Variants in POGLUT2 observed in about 807,000 individuals in gnomAD.
The protein encoded by POGLUT2 is protein O-glucosyltransferase 2.
POGLUT2 carries 47 observed loss-of-function variants against 57.6 expected under a neutral mutation model. The observed-to-expected ratio is 0.82, with a 90% confidence interval of 0.65 to 1.04. The LOEUF is 1.04. POGLUT2 is among the 50% of genes least tolerant of loss of function. The pLI, the probability that POGLUT2 is intolerant of heterozygous loss-of-function variation, is 0.00. For missense variants in POGLUT2, 565 were observed against 614.8 expected (o/e 0.92, Z 0.86); for synonymous variants, 200 against 218.8 (o/e 0.91, Z 0.76).
At chr13:102,797,586 A>AATAATAATAATAAT (rs556962242) in intron 1 of POGLUT2, among the ~76,000 whole-genome samples, 22 of 151,960 alleles carry the variant, frequency 1.4e-4, no homozygotes, top group African/African-American at 3.9e-4. Context: ...ATAATAATAA[A>AATAATAATAATAAT]AAACAAATAG....
In POGLUT2 at chr13:102,791,385, G is replaced by A; in HGVS notation, c.718C>T (p.Pro240Ser). The change falls in exon 5 of 10, where the codon CCT becomes TCT. Residue 240 changes from proline to serine, a missense_variant. Coordinates refer to ENST00000376004, the MANE Select transcript of POGLUT2 (RefSeq NM_024089.3). The part of the protein sequence containing the change: ...VELFVNLGDW[P>S]LEKKKSNSNI... The stretch of plus-strand genomic sequence containing the variant: ...GAATTGGATTTCTTTTTTTCCAAAG[G>A]CCAGTCTCCCAAATTAACAAAGAGC... The A allele has an allele frequency of 1.2e-6, 2 of 1,608,746 alleles. No homozygotes were observed. The highest frequency in any genetic ancestry group is 1.7e-6 in the Non-Finnish European group (2 of 1,178,780).
intron 1 of POGLUT2, among the ~76,000 whole-genome samples, chr13:102,797,273 A>G (rs1878441571): frequency 6.6e-6 from 1 of 152,250 alleles, no homozygotes; most frequent in South Asian, 2.1e-4. Flanking sequence ...ATTAATCTAT[A>G]TAAGCACAGA....
At chr13:102,790,085 T>C (rs1029432652) in intron 6 of POGLUT2, among the ~76,000 whole-genome samples, 1 of 152,238 alleles carries the variant, frequency 6.6e-6, no homozygotes, top group Admixed American at 6.5e-5. Flanking sequence ...GGTTGGCTAG[T>C]ATCCTTTCAC....
chr13:102,791,470 C>A, intron 4 of POGLUT2, 40 bp from the exon 5 acceptor site: 1 of 1,520,672 alleles, frequency 6.6e-7, no homozygotes, highest in Non-Finnish European at 8.9e-7. Context: ...ACATTTCCTG[C>A]ATTGGATAAT....
intron 9 of POGLUT2, 35 bp downstream of exon 9, chr13:102,786,197 A>T (rs1877932597): frequency 1.5e-6 from 2 of 1,369,648 alleles, no homozygotes; most frequent in South Asian, 2.4e-5. Flanking sequence ...GTTAGTTTTT[A>T]CTCTGACACC....
chr13:102,798,125 G>A (rs986411730), intron 1 of POGLUT2, among the ~76,000 whole-genome samples: 3 of 152,076 alleles, frequency 2.0e-5, no homozygotes, highest in Admixed American at 1.3e-4. Context: ...ATTGAGGGCC[G>A]CACCAGAGAA....
At chr13:102,791,910 G>A in intron 4 of POGLUT2, 1 of 963,466 alleles carries the variant, frequency 1.0e-6, no homozygotes, top group South Asian at 1.4e-5. Flanking sequence ...ATGTAAAGAG[G>A]ATATGTTTTA....
chr13:102,785,850 T>C (rs968865013), intron 9 of POGLUT2, among the ~76,000 whole-genome samples: 3 of 152,240 alleles, frequency 2.0e-5, no homozygotes, highest in African/African-American at 7.2e-5. Context: ...TGGTTACATA[T>C]TTTTCCTTCT....
intron 1 of POGLUT2, among the ~76,000 whole-genome samples, chr13:102,797,923 A>C (rs1444864321): frequency 6.6e-6 from 1 of 152,250 alleles, no homozygotes; most frequent in Non-Finnish European, 1.5e-5. Flanking sequence ...TCATTTCAGA[A>C]GTATAGGAAT....
At chr13:102,796,699 AATATAT>A (rs869271164) in intron 2 of POGLUT2, 99 bp downstream of exon 2, 2,000 of 150,726 alleles carry the variant, frequency 0.013, 34 homozygotes, top group Middle Eastern at 0.023. Flanking sequence ...AAAAAAAAAA[AATATAT>A]ATATATATAT....
At position 102,796,301 on chromosome 13, in the gene POGLUT2, A is replaced by AT. The variant is rs1555319501; in HGVS notation, c.388+502_388+503insA. Among the ~76,000 whole-genome samples, 61 of 140,088 alleles carry AT rather than the reference A, an allele frequency of 4.4e-4. 1 individual carries two copies. Among genetic ancestry groups the AT allele is most frequent in the African/African-American group, 1.3e-3 (48 of 35,644 alleles). 91.9% of individuals were successfully genotyped at this position (140,088 alleles called of 152,430 possible). On this transcript the variant is annotated intron_variant, in intron 2 of 9. Transcript: ENST00000376004. ...AGAGCGAGACTCTGCCTCAAAAAAA[A>AT]AAAAAAAAAAATAAATAAATAAATA...
At chr13:102,788,863 C>T (rs113369360) in intron 7 of POGLUT2, 149 bp downstream of exon 7, 17,808 of 713,442 alleles carry the variant, frequency 0.025, 271 homozygotes, top group Non-Finnish European at 0.028. Context: ...GGGGAACTGC[C>T]GTGCCATCTA....
chr13:102,792,019 CGAAGTCCT>C (rs1878200641), intron 4 of POGLUT2: 9 of 1,289,386 alleles, frequency 7.0e-6, no homozygotes, highest in Non-Finnish European at 9.1e-6. Flanking sequence ...CTTGAGAAAC[CGAAGTCCT>C]GAAGAACATT....
At position 102,786,693 on chromosome 13, in the gene POGLUT2, T is replaced by C. The variant is rs536229196; in HGVS notation, c.1384-354A>G. Reference sequence around the variant, plus strand: ...CTATTCTGCTTTCCTTATCATGGCTTGCACAAGCCTCCATCATCATCTTCA... The same window carrying C: ...CTATTCTGCTTTCCTTATCATGGCTCGCACAAGCCTCCATCATCATCTTCA... On this transcript the variant is annotated intron_variant, in intron 8 of 9. Coordinates refer to ENST00000376004, the MANE Select transcript of POGLUT2 (RefSeq NM_024089.3). Among the ~76,000 whole-genome samples the C allele has an allele frequency of 4.6e-5, 7 of 152,338 alleles. No homozygotes were observed. In the East Asian group the frequency reaches 1.4e-3, roughly 29 times the overall value.
rs191796205 is a variant in POGLUT2 at position 102,793,188 on chromosome 13, A to G, written c.672+153T>C. ...TACGGCAGCCCTAGGAAACAAACGCAGGTACCTGAAATAACAGAAAGCTTC... is the reference window on the plus strand; with the variant it reads ...TACGGCAGCCCTAGGAAACAAACGCGGGTACCTGAAATAACAGAAAGCTTC... On this transcript the variant is annotated intron_variant, in intron 4 of 9. Transcript: ENST00000376004. The G allele has an allele frequency of 5.7e-3, 3,205 of 559,758 alleles. 34 individuals carry two copies. The highest frequency in any genetic ancestry group is 4.7e-3 in the Non-Finnish European group (1,447 of 310,992). The allele number at this position is 559,758 out of a possible 1,614,324, so 34.7% of individuals were successfully genotyped here. A position where few individuals can be genotyped will look rare whatever the true frequency, so the allele number is the denominator to read the frequency against.
chr13:102,798,679 C>T lies in POGLUT2; in HGVS notation c.-9G>A, dbSNP rs777794560. The T allele has an allele frequency of 5.7e-6, 9 of 1,576,274 alleles. No homozygotes were observed. The highest frequency in any genetic ancestry group is 1.1e-5 in the South Asian group (1 of 86,998). On this transcript the variant is annotated 5_prime_UTR_variant, in exon 1 of 10. Transcript: ENST00000376004. Reference sequence around the variant, plus strand: ...AGCAAAGTGCCAAACATTTACAAGACGGACTCTCGAAATGATCCACCGATA... The same window carrying T: ...AGCAAAGTGCCAAACATTTACAAGATGGACTCTCGAAATGATCCACCGATA...
At chr13:102,791,696 G>C (rs891548567) in intron 4 of POGLUT2, among the ~76,000 whole-genome samples, 2 of 152,280 alleles carry the variant, frequency 1.3e-5, no homozygotes, top group South Asian at 4.1e-4. Context: ...TCAAAGAGAA[G>C]GAGAATTATT....
chr13:102,790,895 T>C lies in POGLUT2; in HGVS notation c.1083+6A>G. 1 of 1,536,514 alleles carries C rather than the reference T, an allele frequency of 6.5e-7. No homozygotes were observed. Among genetic ancestry groups the C allele is most frequent in the Non-Finnish European group, 9.0e-7 (1 of 1,109,554 alleles). On this transcript the variant is annotated splice_donor_region_variant and intron_variant, in intron 6 of 9. Transcript: ENST00000376004. ...CAAAAAAGATTAGCTACTGATTAAG[T>C]CATACCTTGAAGAAATCAAAAAATG...
Position 102,798,940 on chromosome 13 carries a change from A to G in POGLUT2, c.-270T>C. ...GCTGCTCCTCTCTCTCAGGACAATGATGAACTTGAGTTGCTCCTGCCACTG... is the reference window on the plus strand; with the variant it reads ...GCTGCTCCTCTCTCTCAGGACAATGGTGAACTTGAGTTGCTCCTGCCACTG... On this transcript the variant is annotated 5_prime_UTR_variant, in exon 1 of 10. Coordinates refer to ENST00000376004, the MANE Select transcript of POGLUT2 (RefSeq NM_024089.3). 2 of 428,650 alleles carry G rather than the reference A, an allele frequency of 4.7e-6. No individual in the cohort carries two copies. The highest frequency in any genetic ancestry group is 8.2e-6 in the Non-Finnish European group (2 of 243,650). The allele number at this position is 428,650 out of a possible 1,614,324, so 26.6% of individuals were successfully genotyped here.
Sources: allele counts gnomAD v4.1 joint callset (sites outside exome capture counted in the v4.1 genomes callset), GRCh38; gene constraint gnomAD v4.1.1; transcripts MANE v1.5; gene names NCBI Gene and HGNC (gene_info 2026-07-23, HGNC 2026-07-21).